RNF170: variants seen among roughly 807,000 people sequenced by gnomAD.
RNF170 encodes the protein ring finger protein 170, also known as E3 ubiquitin-protein ligase RNF170.
RNF170 carries 12 observed loss-of-function variants against 32.7 expected under a neutral mutation model. The observed-to-expected ratio is 0.37, with a 90% confidence interval of 0.24 to 0.60. RNF170 has a LOEUF of 0.60. RNF170 is among the 20% of genes least tolerant of loss of function. RNF170 has a pLI of 0.72. For missense variants in RNF170, 212 were observed against 311.2 expected, an observed-to-expected ratio of 0.68 and a Z score of 2.40; for synonymous variants, 91 against 103.6, an observed-to-expected ratio of 0.88 and a Z score of 0.74.
rs1031977506 is a variant in RNF170, at chr8:42,874,090, T to C, written c.138-84A>G. ...CTTCATGGGTCTACTTTCTGACTTA[T>C]AACTACTGGTAATTAATGTAATTGA... On this transcript the variant is annotated intron_variant, in intron 2 of 6. Transcript: ENST00000527424. 8 of 787,188 alleles carry C rather than the reference T, an allele frequency of 1.0e-5. No homozygotes were observed. In the African/African-American group the frequency reaches 1.4e-4, roughly 14 times the overall value. The allele number at this position is 787,188 out of a possible 1,614,324, so 48.8% of individuals were successfully genotyped here. A position where few individuals can be genotyped will look rare whatever the true frequency, so the allele number is the denominator to read the frequency against.
chr8:42,851,709 G>A (rs1310610753), downstream of RNF170, among the ~76,000 whole-genome samples: 1 of 151,836 alleles, frequency 6.6e-6, no homozygotes, highest in Admixed American at 6.6e-5. Flanking sequence ...CAACCCACAA[G>A]GCTCACCACA....
In RNF170 at chr8:42,864,712, TA is replaced by T. The variant is rs914160228; in HGVS notation, c.396+703del. ...CATGTCTCTAAAAGGAATGAAACAT[TA>T]AAAAAAAAAATCATTATATACCATT... On this transcript the variant is annotated intron_variant, in intron 5 of 6. Coordinates refer to ENST00000527424, the MANE Select transcript of RNF170 (RefSeq NM_030954.4). 4.1e-3 allele frequency among the ~76,000 whole-genome samples: 599 copies of T among 145,926 alleles called. 3 individuals carry two copies. The highest frequency in any genetic ancestry group is 0.012 in the African/African-American group (478 of 39,944).
At chr8:42,875,539 TA>T (rs1455769582) in intron 2 of RNF170, among the ~76,000 whole-genome samples, 1 of 152,210 alleles carries the variant, frequency 6.6e-6, no homozygotes, top group African/African-American at 2.4e-5. Context: ...GTCAAATATC[TA>T]AACAATGAAA....
chr8:42,855,799 G>A lies in RNF170; in HGVS notation c.*360C>T. On this transcript the variant is annotated 3_prime_UTR_variant, in exon 7 of 7. Transcript: ENST00000527424. Reference sequence around the variant, plus strand: ...GGTACCTGCTGAGAAGGATAAGATGGATAAACTGACATTTAACAATATTTT... The same window carrying A: ...GGTACCTGCTGAGAAGGATAAGATGAATAAACTGACATTTAACAATATTTT... 8.0e-7 allele frequency: 1 copy of A among 1,243,706 alleles called. No homozygotes were observed. Among genetic ancestry groups the A allele is most frequent in the Non-Finnish European group, 1.0e-6 (1 of 953,806 alleles). 77.0% of individuals were successfully genotyped at this position (1,243,706 alleles called of 1,614,324 possible).
chr8:42,851,131 C>T, downstream of RNF170: 2 of 1,332,986 alleles, frequency 1.5e-6, no homozygotes, highest in Middle Eastern at 2.6e-4. Context: ...TCCCTGGGCT[C>T]TACCACCACA....
At chr8:42,856,529 TAAG>T (rs1409668386) in intron 6 of RNF170, 101 bp from the exon 7 acceptor site, 3 of 862,218 alleles carry the variant, frequency 3.5e-6, no homozygotes, top group Non-Finnish European at 5.5e-6. Context: ...TAAGATGAAT[TAAG>T]GAGTTACACA....
chr8:42,893,348 CTG>C lies in RNF170; in HGVS notation c.-8+3134_-8+3135del, dbSNP rs1325252470. Among the ~76,000 whole-genome samples, 11 of 152,350 alleles carry C rather than the reference CTG, an allele frequency of 7.2e-5. 1 individual carries two copies. In the South Asian group the frequency reaches 2.1e-3, roughly 29 times the overall value. On this transcript the variant is annotated intron_variant, in intron 1 of 6. Transcript: ENST00000527424. ...AACTGAACCCCATCCATCTTGGAAACTGTGCAGTGTAACTGATAGAAGTTTGC... is the reference window on the plus strand; with the variant it reads ...AACTGAACCCCATCCATCTTGGAAACTGCAGTGTAACTGATAGAAGTTTGC...
In RNF170 at chr8:42,866,584, GA is replaced by G. The variant is rs75722937; in HGVS notation, c.323-1096del. The stretch of plus-strand genomic sequence containing the variant: ...GCTGACAGTGCGAGACTCCGTCTCA[GA>G]AAAAAAAAAAAAAACTAGTACAAGC... On this transcript the variant is annotated intron_variant, in intron 4 of 6. Transcript: ENST00000527424. Among the ~76,000 whole-genome samples the G allele has an allele frequency of 2.1e-3, 233 of 111,266 alleles. 1 individual carries two copies. The highest frequency in any genetic ancestry group is 5.5e-3 in the African/African-American group (165 of 30,138). The allele number at this position is 111,266 out of a possible 152,430, so 73.0% of individuals were successfully genotyped here.
rs775569750 is a variant in RNF170, at chr8:42,853,792, G to A, written c.*2367C>T. The A allele has an allele frequency of 6.7e-5, 86 of 1,287,064 alleles. No homozygotes were observed. Among genetic ancestry groups the A allele is most frequent in the Admixed American group, 3.4e-4 (15 of 43,534 alleles). 79.7% of individuals were successfully genotyped at this position (1,287,064 alleles called of 1,614,324 possible). Reference sequence around the variant, plus strand: ...ACAAGCAGGTCTAAAGTTCTGAGATGTTAGCACATACCCTTTTCACAATTT... The same window carrying A: ...ACAAGCAGGTCTAAAGTTCTGAGATATTAGCACATACCCTTTTCACAATTT... On this transcript the variant is annotated 3_prime_UTR_variant, in exon 7 of 7. Transcript: ENST00000527424.
rs1011385806 is a variant in RNF170, at chr8:42,855,723, T to C, written c.*436A>G. On this transcript the variant is annotated 3_prime_UTR_variant, in exon 7 of 7. Transcript: ENST00000527424. ...TTTTCCCCAATAGTATATAATATTT[T>C]ATTGGAACAAAAATATTTAGATGAG... The C allele has an allele frequency of 6.3e-6, 8 of 1,260,560 alleles. No homozygotes were observed. In the Admixed American group the frequency reaches 1.5e-4, roughly 24 times the overall value. The allele number at this position is 1,260,560 out of a possible 1,614,324, so 78.1% of individuals were successfully genotyped here. A position where few individuals can be genotyped will look rare whatever the true frequency, so the allele number is the denominator to read the frequency against.
chr8:42,870,136 A>G (rs765624814), intron 3 of RNF170, 24 bp from the exon 4 acceptor site: 2 of 1,515,808 alleles, frequency 1.3e-6, no homozygotes, highest in Non-Finnish European at 1.8e-6. Flanking sequence ...AGGTGCACAC[A>G]TTGGAACACA....
At chr8:42,852,787 C>G (rs148178810), downstream of RNF170, among the ~76,000 whole-genome samples, 21 of 151,988 alleles carry the variant, frequency 1.4e-4, no homozygotes, top group Non-Finnish European at 2.5e-4. Context: ...AAAACATCTC[C>G]GTGACTAAAT....
chr8:42,862,097 C>G (rs190683327), intron 5 of RNF170, among the ~76,000 whole-genome samples: 166 of 152,222 alleles, frequency 1.1e-3, no homozygotes, highest in South Asian at 5.6e-3. Flanking sequence ...TTTTCCTGTC[C>G]ACACCAGGGG....
downstream of RNF170, chr8:42,851,115 T>G (rs577030449): frequency 4.2e-6 from 6 of 1,418,648 alleles, no homozygotes; most frequent in South Asian, 8.1e-5. Context: ...ATGCCCTCCT[T>G]CCAGCTCCCT....
In RNF170 at chr8:42,869,989, G is replaced by C; in HGVS notation, c.322+15C>G. 6.3e-7 allele frequency: 1 copy of C among 1,578,606 alleles called. No individual in the cohort carries two copies. The highest frequency in any genetic ancestry group is 8.7e-7 in the Non-Finnish European group (1 of 1,147,884). ...TACACAGTCACTTTTCCCAAGTATA[G>C]CGTTGTTTGCTTACCACAAAAAAGA... is the stretch of plus-strand genomic sequence containing the variant. On this transcript the variant is annotated intron_variant, in intron 4 of 6. Coordinates refer to ENST00000527424, the MANE Select transcript of RNF170 (RefSeq NM_030954.4).
rs148660757 is a variant in RNF170, at chr8:42,874,819, A to C, written c.138-813T>G. 6.3e-4 allele frequency among the ~76,000 whole-genome samples: 96 copies of C among 152,278 alleles called. No individual in the cohort carries two copies. The East Asian group carries it at 0.014, about 23-fold the overall frequency. ...TTGACATTAACAATTAAAATGGTGA[A>C]TCAAAGGCAAGCGGTTAGTGGCTAA... On this transcript the variant is annotated intron_variant, in intron 2 of 6. Coordinates refer to ENST00000527424, the MANE Select transcript of RNF170 (RefSeq NM_030954.4).
chr8:42,861,941 A>AC, intron 5 of RNF170, 86 bp from the exon 6 acceptor site: 1 of 1,371,436 alleles, frequency 7.3e-7, no homozygotes, highest in Non-Finnish European at 9.8e-7. Flanking sequence ...TAGAATGATA[A>AC]AGGCTTCTAT....
Position 42,863,980 on chromosome 8 carries a change from A to AGTGTGTGTGTGT in RNF170, c.396+1424_396+1435dup, listed in dbSNP as rs71231874. On this transcript the variant is annotated intron_variant, in intron 5 of 6. Transcript: ENST00000527424. ...AAGGCTGAAGGAGAGAGAGAGAGAG[A>AGTGTGTGTGTGT]GTGTGTGTGTGTGTGTGTGTGTGTG... Among the ~76,000 whole-genome samples the AGTGTGTGTGTGT allele has an allele frequency of 1.4e-3, 201 of 139,574 alleles. 1 individual carries two copies. The highest frequency in any genetic ancestry group is 1.8e-3 in the Non-Finnish European group (114 of 64,994). The allele number at this position is 139,574 out of a possible 152,430, so 91.6% of individuals were successfully genotyped here.
Position 42,867,209 on chromosome 8 carries a change from C to G in RNF170, c.323-1720G>C, listed in dbSNP as rs1038318369. On this transcript the variant is annotated intron_variant, in intron 4 of 6. Coordinates refer to ENST00000527424, the MANE Select transcript of RNF170 (RefSeq NM_030954.4). The stretch of plus-strand genomic sequence containing the variant: ...AAAAAGGGCCTGGCACAGTGGCTCA[C>G]GCCTGTAATCCCAGCACTTTGGGAG... 6.6e-5 allele frequency among the ~76,000 whole-genome samples: 10 copies of G among 152,258 alleles called. No individual in the cohort carries two copies. The East Asian group carries it at 1.7e-3, about 26-fold the overall frequency.
Sources: gnomAD v4.1 joint callset for allele counts (sites outside exome capture counted in the v4.1 genomes callset) on GRCh38, gnomAD v4.1.1 for gene constraint, MANE v1.5 for transcripts, NCBI Gene and HGNC (gene_info 2026-07-23, HGNC 2026-07-21) for gene names.